Variants in PCDH17 observed in about 807,000 individuals in gnomAD.
The protein encoded by PCDH17 is protocadherin 17.
PCDH17 carries 21 observed loss-of-function variants against 67.7 expected under a neutral mutation model. That is an observed-to-expected ratio of 0.31 (90% confidence interval 0.22 to 0.45). The LOEUF (loss-of-function observed/expected upper bound fraction) is 0.45, where lower values mean the gene tolerates loss of function less well. PCDH17 is among the 20% of genes least tolerant of loss of function. The probability of loss-of-function intolerance (pLI) is 1.00; values close to 1 mark genes in which losing one functional copy is unlikely to be tolerated. For missense variants in PCDH17, 1,471 were observed against 1,564.8 expected, an observed-to-expected ratio of 0.94 and a Z score of 1.01; for synonymous variants, 701 against 656.7, an observed-to-expected ratio of 1.07 and a Z score of -1.03.
At chr13:57,711,782 A>T (rs9537781) in intron 3 of PCDH17, among the ~76,000 whole-genome samples, 1 of 150,256 alleles carries the variant, frequency 6.7e-6, no homozygotes, top group Admixed American at 6.7e-5. Context: ...CAGAATAATA[A>T]TATTTTTACT....
intron 1 of PCDH17, among the ~76,000 whole-genome samples, chr13:57,641,572 AAAAAAAAAAAAAAAAATATATATATAT>A (rs1157976539): frequency 6.3e-4 from 28 of 44,334 alleles, no homozygotes; most frequent in African/African-American, 2.1e-3. Context: ...AAAAAAAAAA[AAAAAAAAAAAAAAAAATATATATATAT>A]ATATATATAT....
At chr13:57,699,970 T>G (rs1955647078) in intron 3 of PCDH17, among the ~76,000 whole-genome samples, 1 of 152,138 alleles carries the variant, frequency 6.6e-6, no homozygotes, top group African/African-American at 2.4e-5. Flanking sequence ...TAGGGATATC[T>G]TATGTCATGG....
chr13:57,650,999 T>C (rs945369303), intron 1 of PCDH17, among the ~76,000 whole-genome samples: 10 of 152,166 alleles, frequency 6.6e-5, no homozygotes, highest in African/African-American at 2.4e-4. Context: ...TAGTCCCCAC[T>C]GGAATGGACA....
At chr13:57,666,878 G>A in intron 3 of PCDH17, 45 bp downstream of exon 3, 7 of 1,483,568 alleles carry the variant, frequency 4.7e-6, no homozygotes, top group Non-Finnish European at 6.4e-6. Flanking sequence ...AGCTTAAGCA[G>A]TCATTATAAA....
At chr13:57,643,231 T>C (rs1343801120) in intron 1 of PCDH17, among the ~76,000 whole-genome samples, 1 of 151,664 alleles carries the variant, frequency 6.6e-6, no homozygotes, top group Non-Finnish European at 1.5e-5. Flanking sequence ...CTGATGTTCT[T>C]ATTTTATCAG....
chr13:57,662,779 CCA>C (rs1955199353), intron 1 of PCDH17, among the ~76,000 whole-genome samples: 1 of 152,044 alleles, frequency 6.6e-6, no homozygotes, highest in Admixed American at 6.6e-5. Context: ...TATAAATGTA[CCA>C]CAGTTTGCTG....
intron 3 of PCDH17, among the ~76,000 whole-genome samples, chr13:57,676,108 T>A (rs548158025): frequency 7.9e-5 from 12 of 151,966 alleles, no homozygotes; most frequent in Non-Finnish European, 1.5e-4. Context: ...AATGCCTTAA[T>A]TAAGTTTTAA....
At chr13:57,639,543 T>A (rs1179342909) in intron 1 of PCDH17, among the ~76,000 whole-genome samples, 1 of 151,912 alleles carries the variant, frequency 6.6e-6, no homozygotes, top group Non-Finnish European at 1.5e-5. Context: ...CTCTTTGTAA[T>A]GTATTAACTT....
intron 3 of PCDH17, among the ~76,000 whole-genome samples, chr13:57,702,987 G>A (rs1394594979): frequency 6.6e-6 from 1 of 152,148 alleles, no homozygotes; most frequent in Admixed American, 6.6e-5. Flanking sequence ...GCGTTTGCAT[G>A]TGCACATGTG....
chr13:57,650,843 AT>A (rs1955027983), intron 1 of PCDH17, among the ~76,000 whole-genome samples: 1 of 152,160 alleles, frequency 6.6e-6, no homozygotes, highest in South Asian at 2.1e-4. Context: ...TAAATCTGCA[AT>A]TCTTCCTTTC....
At chr13:57,719,791 A>G (rs2138100474) in intron 3 of PCDH17, among the ~76,000 whole-genome samples, 1 of 152,138 alleles carries the variant, frequency 6.6e-6, no homozygotes, top group South Asian at 2.1e-4. Flanking sequence ...ACACTACAGA[A>G]TCAGAATCCA....
rs1955929484 is a variant in PCDH17, at chr13:57,728,331, A to C, written c.*3037A>C. On this transcript the variant is annotated 3_prime_UTR_variant, in exon 4 of 4. Transcript: ENST00000377918. ...GTTTTAACATAATTTAGAATGTGAA[A>C]AAAATATCAATTCATATCTTTCAAG... 1 of 152,310 alleles carries C rather than the reference A, an allele frequency of 6.6e-6. No homozygotes were observed. Among genetic ancestry groups the C allele is most frequent in the Admixed American group, 6.6e-5 (1 of 15,252 alleles). The allele number at this position is 152,310 out of a possible 1,614,324, so 9.4% of individuals were successfully genotyped here.
chr13:57,712,569 C>T (rs1231051921), intron 3 of PCDH17, among the ~76,000 whole-genome samples: 2 of 151,496 alleles, frequency 1.3e-5, no homozygotes, highest in Admixed American at 1.3e-4. Context: ...GAACACCAAA[C>T]TGAATAATTC....
chr13:57,724,640 T>A lies in PCDH17; in HGVS notation c.2826T>A (p.Asp942Glu). 6.2e-7 allele frequency: 1 copy of A among 1,613,784 alleles called. No individual in the cohort carries two copies. Among genetic ancestry groups the A allele is most frequent in the Non-Finnish European group, 8.5e-7 (1 of 1,179,750 alleles). ...CAGAAGAGTGTGTTAATTGCACAGA[T>A]GAATGCCGAGTGCTTGGTCATTCTG... ...QEPEECVNCT[D>E]ECRVLGHSDR... Residue 942 changes from aspartate (D) to glutamate (E), a missense_variant, in exon 4 of 4, where the codon GAT becomes GAA. By Grantham distance (45) the Asp-to-Glu change is conservative. This residue lies in a region of PCDH17 where 297 missense variants were observed against 298.6 expected (regional missense o/e 0.99). Transcript: ENST00000377918.
chr13:57,631,964 T>C lies in PCDH17; in HGVS notation c.-583T>C, dbSNP rs776822764. On this transcript the variant is annotated 5_prime_UTR_variant, in exon 1 of 4. Transcript: ENST00000377918. ...GCTTCAAAATATATCTGTGACTCTG[T>C]CTTCGTTGCTCTTCATCCCCATCAA... 7.8e-5 allele frequency: 12 copies of C among 154,326 alleles called. No individual in the cohort carries two copies. The highest frequency in any genetic ancestry group is 4.6e-4 in the Admixed American group (7 of 15,358). The allele number at this position is 154,326 out of a possible 1,614,324, so 9.6% of individuals were successfully genotyped here. A position where few individuals can be genotyped will look rare whatever the true frequency, so the allele number is the denominator to read the frequency against.
intron 3 of PCDH17, among the ~76,000 whole-genome samples, chr13:57,697,563 A>G (rs912059367): frequency 6.6e-6 from 1 of 151,588 alleles, no homozygotes; most frequent in Non-Finnish European, 1.5e-5. Context: ...TTGTAATAAC[A>G]TGTTACTACC....
rs944410996 is a variant in PCDH17, at chr13:57,693,100, G to A, written c.2797+26267G>A. 2.7e-5 allele frequency among the ~76,000 whole-genome samples: 4 copies of A among 149,980 alleles called. No homozygotes were observed. In the Admixed American group the frequency reaches 2.7e-4, roughly 10 times the overall value. The stretch of plus-strand genomic sequence containing the variant: ...TTATAGTTTTTGTACTTATCTCCAG[G>A]GATATGCCTGTTGTCAAGATTTCCA... On this transcript the variant is annotated intron_variant, in intron 3 of 3. Coordinates refer to ENST00000377918, the MANE Select transcript of PCDH17 (RefSeq NM_001040429.3).
chr13:57,696,076 C>G (rs778309389), intron 3 of PCDH17, among the ~76,000 whole-genome samples: 2 of 151,328 alleles, frequency 1.3e-5, no homozygotes, highest in Non-Finnish European at 3.0e-5. Flanking sequence ...CATGGGAAAA[C>G]AGTGTGTGAA....
At chr13:57,718,478 A>G (rs986432033) in intron 3 of PCDH17, among the ~76,000 whole-genome samples, 50 of 152,228 alleles carry the variant, frequency 3.3e-4, no homozygotes, top group African/African-American at 1.1e-3. Flanking sequence ...CATAGAAGTC[A>G]TAAGTGGAAA....
Sources: allele counts gnomAD v4.1 joint callset (sites outside exome capture counted in the v4.1 genomes callset), GRCh38; gene constraint gnomAD v4.1.1; regional missense constraint gnomAD v4.1.1; transcripts MANE v1.5; gene names NCBI Gene and HGNC (gene_info 2026-07-23, HGNC 2026-07-21).